The following TMEM45A variants were observed in gnomAD, a reference collection of about 807,000 sequenced individuals.
TMEM45A encodes transmembrane protein 45A.
In TMEM45A, 25 loss-of-function variants were observed where a neutral mutation model predicts 32.0. That is an observed-to-expected ratio of 0.78 (90% confidence interval 0.57 to 1.09). The LOEUF (loss-of-function observed/expected upper bound fraction) is 1.09, where lower values mean the gene tolerates loss of function less well. TMEM45A is among the 50% of genes least tolerant of loss of function. The pLI is 0.00. For missense variants in TMEM45A, 302 were observed against 325.0 expected (o/e 0.93, Z 0.54); for synonymous variants, 122 against 114.8 (o/e 1.06, Z -0.40).
At chr3:100,497,451 A>G (rs146151964) in intron 1 of TMEM45A, among the ~76,000 whole-genome samples, 22 of 152,328 alleles carry the variant, frequency 1.4e-4, no homozygotes, top group African/African-American at 5.3e-4. Flanking sequence ...ATACAGTTCA[A>G]TGGCATTAAG....
intron 1 of TMEM45A, among the ~76,000 whole-genome samples, chr3:100,542,983 A>G (rs1705916176): frequency 6.6e-6 from 1 of 152,160 alleles, no homozygotes; most frequent in Non-Finnish European, 1.5e-5. Context: ...AAACCTCAGC[A>G]TGATGCACTA....
intron 1 of TMEM45A, among the ~76,000 whole-genome samples, chr3:100,549,283 A>T (rs985856946): frequency 1.3e-5 from 2 of 151,906 alleles, no homozygotes; most frequent in Non-Finnish European, 2.9e-5. Context: ...AAACAAAAAA[A>T]CCACCAAAAC....
intron 4 of TMEM45A, among the ~76,000 whole-genome samples, chr3:100,565,949 C>A (rs1270278171): frequency 6.6e-6 from 1 of 152,184 alleles, no homozygotes; most frequent in South Asian, 2.1e-4. Context: ...CTCCTAGCCC[C>A]CGGTACCACT....
chr3:100,526,511 G>A (rs1375845751), intron 1 of TMEM45A, among the ~76,000 whole-genome samples: 2 of 134,534 alleles, frequency 1.5e-5, no homozygotes, highest in African/African-American at 3.2e-5. Flanking sequence ...CATTAAACTA[G>A]CTGTGGGAAC....
rs1207215748 is a variant in TMEM45A, at chr3:100,510,052, G to A, written c.-4+17124G>A. On this transcript the variant is annotated intron_variant, in intron 1 of 5. Transcript: ENST00000323523. ...CAGCGAGGTTGGGGGAGGAGCGCCC[G>A]CCATTGTCCAGGCTTGCTTAGGTAA... 4.8e-4 allele frequency among the ~76,000 whole-genome samples: 73 copies of A among 152,334 alleles called. 1 individual carries two copies. In the East Asian group the frequency reaches 0.013, roughly 26 times the overall value.
intron 1 of TMEM45A, among the ~76,000 whole-genome samples, chr3:100,549,859 G>T (rs924359838): frequency 6.6e-6 from 1 of 151,618 alleles, no homozygotes; most frequent in Non-Finnish European, 1.5e-5. Context: ...GAGAATGATG[G>T]TTTCCAGTTT....
chr3:100,543,944 C>T (rs7431539), intron 1 of TMEM45A, among the ~76,000 whole-genome samples: 150,625 of 152,272 alleles, frequency 0.99, 74,499 homozygotes, highest in East Asian at 1. Flanking sequence ...GGGGCGATAG[C>T]ATTACCTATT....
chr3:100,510,047 C>T (rs1245214112), intron 1 of TMEM45A, among the ~76,000 whole-genome samples: 7 of 152,258 alleles, frequency 4.6e-5, no homozygotes, highest in African/African-American at 9.6e-5. Flanking sequence ...GGGGGAGGAG[C>T]GCCCGCCATT....
intron 1 of TMEM45A, among the ~76,000 whole-genome samples, chr3:100,530,171 A>G (rs12636452): frequency 0.17 from 25,268 of 152,124 alleles, 2,383 homozygotes; most frequent in East Asian, 0.31. Flanking sequence ...TGTCCCCCAG[A>G]TAATATTTGT....
intron 1 of TMEM45A, among the ~76,000 whole-genome samples, chr3:100,507,638 G>T (rs1001306136): frequency 6.6e-6 from 1 of 152,042 alleles, no homozygotes; most frequent in East Asian, 1.9e-4. Flanking sequence ...ACTAGAGTTG[G>T]GATGCAGGGA....
intron 1 of TMEM45A, among the ~76,000 whole-genome samples, chr3:100,531,821 A>AT (rs533017862): frequency 2.0e-4 from 30 of 152,308 alleles, no homozygotes; most frequent in Middle Eastern, 3.4e-3. Flanking sequence ...CTGGCGATTT[A>AT]TTTTAGCAAA....
intron 1 of TMEM45A, among the ~76,000 whole-genome samples, chr3:100,544,120 G>A (rs1368307217): frequency 6.8e-6 from 1 of 147,990 alleles, no homozygotes; most frequent in Non-Finnish European, 1.5e-5. Flanking sequence ...TATTTTTTTT[G>A]CTTTTGTACA....
chr3:100,551,248 C>T (rs1163581392), intron 1 of TMEM45A, among the ~76,000 whole-genome samples: 19 of 152,074 alleles, frequency 1.2e-4, no homozygotes, highest in Admixed American at 1.2e-3. Context: ...CTCCTGACCT[C>T]GTGATCCGCC....
At chr3:100,528,036 C>T (rs536552721) in intron 1 of TMEM45A, among the ~76,000 whole-genome samples, 1 of 152,324 alleles carries the variant, frequency 6.6e-6, no homozygotes, top group East Asian at 1.9e-4. Context: ...GAATAAACAA[C>T]ACGTGCACTA....
intron 5 of TMEM45A, among the ~76,000 whole-genome samples, chr3:100,575,797 G>A (rs1348149642): frequency 6.6e-6 from 1 of 152,228 alleles, no homozygotes; most frequent in Non-Finnish European, 1.5e-5. Flanking sequence ...GCTCCCCCTG[G>A]AAGGGGCTAG....
chr3:100,501,404 G>A (rs1161445332), intron 1 of TMEM45A, among the ~76,000 whole-genome samples: 1 of 152,222 alleles, frequency 6.6e-6, no homozygotes, highest in East Asian at 1.9e-4. Context: ...GGCCTGGGTT[G>A]AGAACCATGG....
At chr3:100,494,703 A>C (rs1340555492) in intron 1 of TMEM45A, among the ~76,000 whole-genome samples, 1 of 152,192 alleles carries the variant, frequency 6.6e-6, no homozygotes, top group East Asian at 1.9e-4. Flanking sequence ...GAGCAGCTGA[A>C]GTGATTTGCA....
intron 1 of TMEM45A, among the ~76,000 whole-genome samples, chr3:100,543,383 A>T (rs1267957046): frequency 6.6e-6 from 1 of 152,168 alleles, no homozygotes; most frequent in African/African-American, 2.4e-5. Flanking sequence ...GAATTGCTGG[A>T]TTGTGTCATA....
At chr3:100,504,037 C>T (rs1376387608) in intron 1 of TMEM45A, among the ~76,000 whole-genome samples, 1 of 152,162 alleles carries the variant, frequency 6.6e-6, no homozygotes, top group East Asian at 1.9e-4. Context: ...TCACTGGGTG[C>T]TCTAGCCTCT....
Sources: allele counts gnomAD v4.1 joint callset (sites outside exome capture counted in the v4.1 genomes callset), GRCh38; gene constraint gnomAD v4.1.1; transcripts MANE v1.5; gene names NCBI Gene and HGNC (gene_info 2026-07-23, HGNC 2026-07-21).